Variants in DIP2C observed in about 807,000 individuals in gnomAD.
DIP2C encodes DIP2 acetate--CoA ligase C (putative), also known as disco-interacting protein 2 homolog C.
DIP2C carries 33 observed loss-of-function variants against 192.4 expected under a neutral mutation model. That is an observed-to-expected ratio of 0.17 (90% confidence interval 0.13 to 0.23). DIP2C has a LOEUF of 0.23. DIP2C is among the 10% of genes least tolerant of loss of function. The probability of loss-of-function intolerance (pLI) is 1.00; values close to 1 mark genes in which losing one functional copy is unlikely to be tolerated. For missense variants in DIP2C, 1,537 were observed against 2,110.1 expected (o/e 0.73, Z 5.32); for synonymous variants, 979 against 864.1 (o/e 1.13, Z -2.33).
chr10:436,068 A>G (rs930069054), intron 4 of DIP2C, among the ~76,000 whole-genome samples: 31 of 152,142 alleles, frequency 2.0e-4, no homozygotes, highest in Non-Finnish European at 3.8e-4. Flanking sequence ...AATATTTTCT[A>G]TTTTTTATAT....
chr10:281,085 C>T lies in DIP2C; in HGVS notation c.4418+115G>A, dbSNP rs952323760. The stretch of plus-strand genomic sequence containing the variant: ...AAAGATTTATAGTCAAATGTTGAAT[C>T]GCACCCCCTTCCCTACCTTAACAAA... On this transcript the variant is annotated intron_variant, in intron 36 of 36. Coordinates refer to ENST00000280886, the MANE Select transcript of DIP2C (RefSeq NM_014974.3). 3.1e-5 allele frequency: 44 copies of T among 1,418,448 alleles called. No homozygotes were observed. The Admixed American group carries it at 4.0e-4, about 13-fold the overall frequency. 87.9% of individuals were successfully genotyped at this position (1,418,448 alleles called of 1,614,324 possible).
chr10:479,325 C>G (rs1240810297), intron 2 of DIP2C, among the ~76,000 whole-genome samples: 1 of 131,948 alleles, frequency 7.6e-6, no homozygotes, highest in Non-Finnish European at 1.6e-5. Flanking sequence ...AATTCTCACA[C>G]TGCTTTTTTT....
intron 4 of DIP2C, among the ~76,000 whole-genome samples, chr10:431,119 G>A (rs80038403): frequency 0.016 from 2,462 of 152,206 alleles, 72 homozygotes; most frequent in African/African-American, 0.056. Context: ...CTGATTTATA[G>A]TAAGTCTTGA....
chr10:571,231 A>G (rs1161412371), intron 1 of DIP2C, among the ~76,000 whole-genome samples: 3 of 152,198 alleles, frequency 2.0e-5, no homozygotes. Flanking sequence ...CCTGACAGCA[A>G]ACAGTGGCTG....
chr10:388,547 T>C (rs951210010), intron 13 of DIP2C, among the ~76,000 whole-genome samples: 7 of 152,064 alleles, frequency 4.6e-5, no homozygotes, highest in African/African-American at 7.2e-5. Flanking sequence ...TAAGTTCCTT[T>C]TGAAAGTAGT....
At chr10:534,668 A>ATT (rs66643213) in intron 1 of DIP2C, among the ~76,000 whole-genome samples, 1,394 of 130,678 alleles carry the variant, frequency 0.011, 25 homozygotes, top group South Asian at 0.031. Context: ...CTGGATGATT[A>ATT]TTATTTTTTT....
intron 1 of DIP2C, among the ~76,000 whole-genome samples, chr10:544,340 T>C (rs547698586): frequency 1.6e-4 from 24 of 152,378 alleles, no homozygotes; most frequent in African/African-American, 4.1e-4. Flanking sequence ...CACTCATCTG[T>C]TGACAGACAT....
At position 372,309 on chromosome 10, in the gene DIP2C, G is replaced by A. The variant is rs367692895; in HGVS notation, c.1992-2676C>T. Among the ~76,000 whole-genome samples, 14 of 152,264 alleles carry A rather than the reference G, an allele frequency of 9.2e-5. No homozygotes were observed. The East Asian group carries it at 9.7e-4, about 11-fold the overall frequency. ...AGGCTGGCCTCGAACTCCTGACCTC[G>A]AGTGATCTGCCCTCCTCGGCTTCCC... On this transcript the variant is annotated intron_variant, in intron 17 of 36. Coordinates refer to ENST00000280886, the MANE Select transcript of DIP2C (RefSeq NM_014974.3).
intron 1 of DIP2C, among the ~76,000 whole-genome samples, chr10:568,919 C>G (rs1022743498): frequency 6.6e-6 from 1 of 152,080 alleles, no homozygotes; most frequent in African/African-American, 2.4e-5. Context: ...AAGGCACGCT[C>G]CGTATTTTAG....
chr10:618,083 G>A (rs999260822), intron 1 of DIP2C, among the ~76,000 whole-genome samples: 12 of 152,260 alleles, frequency 7.9e-5, no homozygotes, highest in African/African-American at 2.2e-4. Flanking sequence ...GAATGCTATT[G>A]GCATTTGGTC....
chr10:370,891 G>GT (rs1441521365), intron 17 of DIP2C, among the ~76,000 whole-genome samples: 1 of 152,166 alleles, frequency 6.6e-6, no homozygotes, highest in Admixed American at 6.6e-5. Context: ...TTTGAATGAA[G>GT]TAACTGGTGT....
Position 337,890 on chromosome 10 carries a change from C to CTG in DIP2C, c.3584+3307_3584+3308dup, listed in dbSNP as rs1210088567. Among the ~76,000 whole-genome samples, 51 of 125,414 alleles carry CTG rather than the reference C, an allele frequency of 4.1e-4. 1 individual carries two copies. The highest frequency in any genetic ancestry group is 3.4e-3 in the South Asian group (13 of 3,822). 82.3% of individuals were successfully genotyped at this position (125,414 alleles called of 152,430 possible). A position where few individuals can be genotyped will look rare whatever the true frequency, so the allele number is the denominator to read the frequency against. On this transcript the variant is annotated intron_variant, in intron 29 of 36. Transcript: ENST00000280886. ...ACGTGTGTTGTAGAGGCCTAGGAAG[C>CTG]TGTGTGTGTGTGTTGTGGAGGCCTA...
intron 1 of DIP2C, among the ~76,000 whole-genome samples, chr10:644,853 AT>A (rs1393994466): frequency 7.9e-5 from 12 of 152,258 alleles, no homozygotes; most frequent in South Asian, 4.1e-4. Context: ...CAGACATACA[AT>A]TTAGCACCAG....
intron 1 of DIP2C, among the ~76,000 whole-genome samples, chr10:487,613 T>C (rs975969456): frequency 3.6e-5 from 5 of 140,578 alleles, no homozygotes; most frequent in Non-Finnish European, 6.1e-5. Context: ...AGTCTCTCTC[T>C]GTCGCCCAGG....
intron 9 of DIP2C, among the ~76,000 whole-genome samples, chr10:404,270 G>A (rs1964647172): frequency 1.3e-5 from 2 of 150,546 alleles, no homozygotes; most frequent in South Asian, 2.1e-4. Context: ...GTACAGTAGT[G>A]CAATCTCGGC....
At chr10:333,880 A>C (rs115705022) in intron 29 of DIP2C, among the ~76,000 whole-genome samples, 384 of 152,190 alleles carry the variant, frequency 2.5e-3, no homozygotes, top group Middle Eastern at 0.024. Context: ...CTGTGGTTTT[A>C]ATTTGCATTT....
At chr10:364,898 T>A in intron 19 of DIP2C, 1 of 575,888 alleles carries the variant, frequency 1.7e-6, no homozygotes, top group South Asian at 1.5e-5. Flanking sequence ...ACTGATTACT[T>A]GGTTTACAAA....
intron 1 of DIP2C, among the ~76,000 whole-genome samples, chr10:642,517 G>A (rs983045613): frequency 6.6e-6 from 1 of 152,284 alleles, no homozygotes; most frequent in Non-Finnish European, 1.5e-5. Flanking sequence ...AGCAGCTTAA[G>A]TCAAACAGCT....
At chr10:640,666 C>G (rs189811181) in intron 1 of DIP2C, among the ~76,000 whole-genome samples, 1 of 140,846 alleles carries the variant, frequency 7.1e-6, no homozygotes, top group Non-Finnish European at 1.5e-5. Flanking sequence ...AGAGGGTGCG[C>G]GCGGGGATGA....
Sources: gnomAD v4.1 joint callset for allele counts (sites outside exome capture counted in the v4.1 genomes callset) on GRCh38, gnomAD v4.1.1 for gene constraint, MANE v1.5 for transcripts, NCBI Gene and HGNC (gene_info 2026-07-23, HGNC 2026-07-21) for gene names.